Variants in HNF4G observed in about 807,000 individuals in gnomAD.
The protein encoded by HNF4G is hepatocyte nuclear factor 4-gamma.
HNF4G carries 21 observed loss-of-function variants against 50.9 expected under a neutral mutation model. That is an observed-to-expected ratio of 0.41 (90% CI 0.29 to 0.59). The LOEUF is 0.59. Among genes scored for constraint, HNF4G ranks in the 20% least tolerant of loss-of-function variants. The pLI, the probability that HNF4G is intolerant of heterozygous loss-of-function variation, is 0.26. For synonymous variants in HNF4G, 198 were observed against 185.6 expected (o/e 1.07, Z -0.54); for missense variants, 527 against 559.4 (o/e 0.94, Z 0.58).
chr8:75,540,701 G>A (rs1225261597), intron 1 of HNF4G, among the ~76,000 whole-genome samples: 1 of 152,040 alleles, frequency 6.6e-6, no homozygotes, highest in African/African-American at 2.4e-5. Context: ...TAAGACATGA[G>A]TTTTTTAGGG....
At position 75,455,937 on chromosome 8, in the gene HNF4G, T is replaced by C. The variant is rs183721678; in HGVS notation, c.-143-34152T>C. ...GAAAGGTCTTAATTTAATTAACTAA[T>C]AGAATCATTACTAATTCTATAGAAT... On this transcript the variant is annotated intron_variant, in intron 1 of 10. Coordinates refer to the HNF4G transcript ENST00000354370. 2.1e-3 allele frequency among the ~76,000 whole-genome samples: 319 copies of C among 152,232 alleles called. 2 individuals are homozygous for C. Among genetic ancestry groups the C allele is most frequent in the African/African-American group, 7.4e-3 (308 of 41,558 alleles).
At chr8:75,524,094 G>T (rs774396584) in intron 2 of HNF4G, among the ~76,000 whole-genome samples, 1 of 151,892 alleles carries the variant, frequency 6.6e-6, no homozygotes, top group Non-Finnish European at 1.5e-5. Context: ...AACTATACAC[G>T]CCTATGTATC....
At chr8:75,462,667 C>G (rs1015202832) in intron 1 of HNF4G, among the ~76,000 whole-genome samples, 3 of 152,082 alleles carry the variant, frequency 2.0e-5, no homozygotes, top group African/African-American at 7.2e-5. Flanking sequence ...AAAATACAAT[C>G]ACAGAGATTA....
chr8:75,538,551 A>C (rs527943987), upstream of HNF4G, among the ~76,000 whole-genome samples: 1 of 152,322 alleles, frequency 6.6e-6, no homozygotes, highest in African/African-American at 2.4e-5. Context: ...CCTATAGAAA[A>C]GAAATGTTTG....
intron 1 of HNF4G, among the ~76,000 whole-genome samples, chr8:75,432,293 A>G (rs1811033406): frequency 7.7e-6 from 1 of 129,402 alleles, no homozygotes; most frequent in Admixed American, 7.1e-5. Context: ...TATCAAAATA[A>G]AAAAAAAAAG....
chr8:75,452,591 C>T (rs1048935713), intron 1 of HNF4G, among the ~76,000 whole-genome samples: 5 of 151,854 alleles, frequency 3.3e-5, no homozygotes, highest in Non-Finnish European at 5.9e-5. Flanking sequence ...TGGTGGCGGG[C>T]GCCTGTAGTC....
intron 2 of HNF4G, among the ~76,000 whole-genome samples, chr8:75,545,898 T>A (rs1806764413): frequency 6.6e-6 from 1 of 152,064 alleles, no homozygotes; most frequent in African/African-American, 2.4e-5. Context: ...GCATTCTCCT[T>A]GTGTTTTTGT....
At chr8:75,466,265 C>G (rs1272759990) in intron 1 of HNF4G, among the ~76,000 whole-genome samples, 5 of 152,094 alleles carry the variant, frequency 3.3e-5, no homozygotes, top group Non-Finnish European at 7.4e-5. Flanking sequence ...TTCCTCACAT[C>G]TGTCAACAAG....
intron 1 of HNF4G, among the ~76,000 whole-genome samples, chr8:75,414,998 G>T (rs963324675): frequency 2.6e-5 from 4 of 152,208 alleles, no homozygotes; most frequent in Non-Finnish European, 5.9e-5. Context: ...AGTAGGGCTT[G>T]AGAGTTTCAA....
At chr8:75,537,658 G>C (rs114509060), upstream of HNF4G, among the ~76,000 whole-genome samples, 753 of 151,892 alleles carry the variant, frequency 5.0e-3, 3 homozygotes, top group African/African-American at 0.017. Context: ...ATTCTAGAAG[G>C]GTTCTAGAAT....
chr8:75,479,289 T>C (rs1344350943), intron 1 of HNF4G, among the ~76,000 whole-genome samples: 3 of 152,202 alleles, frequency 2.0e-5, no homozygotes, highest in Non-Finnish European at 4.4e-5. Context: ...ACCTAAAAAA[T>C]GGCCTGCATA....
chr8:75,463,871 T>C (rs1301429373), intron 1 of HNF4G, among the ~76,000 whole-genome samples: 1 of 150,996 alleles, frequency 6.6e-6, no homozygotes, highest in Non-Finnish European at 1.5e-5. Flanking sequence ...ACCTCCTGGG[T>C]TCAAGTGATT....
At chr8:75,555,874 A>T in intron 5 of HNF4G, 108 bp from the exon 6 acceptor site, 1 of 536,356 alleles carries the variant, frequency 1.9e-6, no homozygotes, top group Non-Finnish European at 3.2e-6. Context: ...ATAGTTTGTT[A>T]AACAAAAAGT....
chr8:75,493,409 A>G lies in HNF4G; in HGVS notation c.-24+3201A>G, dbSNP rs529687105. On this transcript the variant is annotated intron_variant, in intron 2 of 10. Coordinates refer to the HNF4G transcript ENST00000354370. ...TCATTGAGGCAAAAGCTATAAAGGT[A>G]TATACAGCAAAATAGCTTTGCCAAA... 3.9e-4 allele frequency among the ~76,000 whole-genome samples: 60 copies of G among 152,284 alleles called. 1 individual carries two copies. The highest frequency in any genetic ancestry group is 1.3e-3 in the African/African-American group (55 of 41,576).
At chr8:75,500,112 C>T (rs1207031489) in intron 2 of HNF4G, among the ~76,000 whole-genome samples, 1 of 152,042 alleles carries the variant, frequency 6.6e-6, no homozygotes, top group Non-Finnish European at 1.5e-5. Flanking sequence ...ATAATGTTTA[C>T]AAATCATATG....
chr8:75,558,326 T>C (rs1807190754), intron 6 of HNF4G, among the ~76,000 whole-genome samples, 192 bp from the exon 7 acceptor site: 1 of 152,204 alleles, frequency 6.6e-6, no homozygotes, highest in African/African-American at 2.4e-5. Flanking sequence ...ACATTATTAA[T>C]GTTCTTGGTC....
At chr8:75,466,611 TC>T (rs1811985569) in intron 1 of HNF4G, among the ~76,000 whole-genome samples, 5 of 123,172 alleles carry the variant, frequency 4.1e-5, no homozygotes, top group Admixed American at 8.2e-5. Context: ...CTTCCTTCCT[TC>T]CTTCCTTCCT....
At chr8:75,559,854 A>G (rs1807254961) in intron 8 of HNF4G, among the ~76,000 whole-genome samples, 1 of 152,214 alleles carries the variant, frequency 6.6e-6, no homozygotes, top group South Asian at 2.1e-4. Context: ...ATGATATTTC[A>G]TTGTTGCAAT....
rs1807469624 is a variant in HNF4G at position 75,566,726 on chromosome 8, T to C, written c.*2630T>C. 1.3e-5 allele frequency: 2 copies of C among 152,272 alleles called. No individual in the cohort carries two copies. Among genetic ancestry groups the C allele is most frequent in the African/African-American group, 4.8e-5 (2 of 41,412 alleles). 9.4% of individuals were successfully genotyped at this position (152,272 alleles called of 1,614,324 possible). Reference sequence around the variant, plus strand: ...AAATTTTATTGTTGGAAATCAAAAATTAGTAGATTTTTTACCATGTTAAAT... The same window carrying C: ...AAATTTTATTGTTGGAAATCAAAAACTAGTAGATTTTTTACCATGTTAAAT... On this transcript the variant is annotated 3_prime_UTR_variant, in exon 10 of 10. Transcript: ENST00000396423.
Sources: allele counts gnomAD v4.1 joint callset (sites outside exome capture counted in the v4.1 genomes callset), GRCh38; gene constraint gnomAD v4.1.1; transcripts MANE v1.5; gene names NCBI Gene and HGNC (gene_info 2026-07-23, HGNC 2026-07-21).